SREBF2: variants seen among roughly 807,000 people sequenced by gnomAD.
SREBF2 encodes the protein sterol regulatory element-binding protein 2.
A neutral mutation model predicts 113.1 loss-of-function variants in SREBF2; 55 were observed. The ratio of observed to expected loss-of-function variants is 0.49; its 90% CI spans 0.39 to 0.61. SREBF2 has a LOEUF of 0.61. Among genes scored for constraint, SREBF2 ranks in the 20% least tolerant of loss-of-function variants. SREBF2 has a pLI of 0.00. For missense variants in SREBF2, 1,349 were observed against 1,487.4 expected, an observed-to-expected ratio of 0.91 and a Z score of 1.53; for synonymous variants, 593 against 605.7, an observed-to-expected ratio of 0.98 and a Z score of 0.31.
chr22:41,858,980 G>A (rs537786876), intron 1 of SREBF2, among the ~76,000 whole-genome samples: 1 of 151,982 alleles, frequency 6.6e-6, no homozygotes, highest in South Asian at 2.1e-4. Context: ...CGTCTCTACT[G>A]GGCGTGGTGG....
At chr22:41,894,759 A>G in intron 12 of SREBF2, 61 bp from the exon 13 acceptor site, 1 of 1,451,968 alleles carries the variant, frequency 6.9e-7, no homozygotes, top group South Asian at 1.1e-5. Flanking sequence ...TTCTCTCCGT[A>G]AAGACAAAGT....
chr22:41,871,184 T>C, intron 4 of SREBF2, 149 bp downstream of exon 4: 1 of 1,127,654 alleles, frequency 8.9e-7, no homozygotes, highest in Non-Finnish European at 1.3e-6. Flanking sequence ...CCCCTCTTAG[T>C]TGTTTTTCGC....
intron 1 of SREBF2, among the ~76,000 whole-genome samples, chr22:41,839,956 CTTTTTTTTT>C (rs10588397): frequency 8.5e-6 from 1 of 117,594 alleles, no homozygotes; most frequent in Admixed American, 8.8e-5. Flanking sequence ...TGCTTAGTTT[CTTTTTTTTT>C]TTTTTTTTTT....
intron 1 of SREBF2, among the ~76,000 whole-genome samples, chr22:41,864,238 A>ATATATG (rs2077050705): frequency 1.2e-5 from 1 of 83,034 alleles, no homozygotes; most frequent in Non-Finnish European, 2.3e-5. Flanking sequence ...ATATATATAT[A>ATATATG]TATATATATA....
intron 3 of SREBF2, among the ~76,000 whole-genome samples, chr22:41,869,698 T>G (rs2077121640): frequency 6.6e-6 from 1 of 151,434 alleles, no homozygotes; most frequent in South Asian, 2.1e-4. Flanking sequence ...TTGGCCAGGC[T>G]GGTTTTGAAC....
chr22:41,860,430 A>T (rs2077016986), intron 1 of SREBF2, among the ~76,000 whole-genome samples: 1 of 152,178 alleles, frequency 6.6e-6, no homozygotes, highest in Non-Finnish European at 1.5e-5. Flanking sequence ...CCACTATCAG[A>T]TTGACAGAAA....
chr22:41,876,320 AC>A lies in SREBF2; in HGVS notation c.1386+597del, dbSNP rs1303436286. 5.9e-5 allele frequency among the ~76,000 whole-genome samples: 9 copies of A among 152,210 alleles called. 1 individual carries two copies. The highest frequency in any genetic ancestry group is 5.9e-4 in the Admixed American group (9 of 15,276). On this transcript the variant is annotated intron_variant, in intron 7 of 18. Coordinates refer to ENST00000361204, the MANE Select transcript of SREBF2 (RefSeq NM_004599.4). The stretch of plus-strand genomic sequence containing the variant: ...TTCGGCAGTTTCTGACTCTGAAAGC[AC>A]AAAGTTCCCTCCTAGTGTTTGTTTT...
chr22:41,866,905 C>A lies in SREBF2; in HGVS notation c.163C>A (p.Pro55Thr). 1 of 1,614,018 alleles carries A rather than the reference C, an allele frequency of 6.2e-7. No homozygotes were observed. Among genetic ancestry groups the A allele is most frequent in the Non-Finnish European group, 8.5e-7 (1 of 1,179,996 alleles). The change falls in exon 2 of 19, where the codon CCT (proline) becomes ACT (threonine). Residue 55 changes from proline (P) to threonine (T), a missense_variant. Pro to Thr is a conservative substitution (Grantham distance 38). Transcript: ENST00000361204. ...LFSEQLCSSF[P>T]GSGGSGSSSG... Reference sequence around the variant, plus strand: ...TTCAGAACAGCTGTGTAGCTCCTTTCCTGGCAGTGGTGGTAGTGGTAGCAG... The same window carrying A: ...TTCAGAACAGCTGTGTAGCTCCTTTACTGGCAGTGGTGGTAGTGGTAGCAG...
chr22:41,837,949 A>C (rs1244873833), intron 1 of SREBF2, among the ~76,000 whole-genome samples: 2 of 152,172 alleles, frequency 1.3e-5, no homozygotes, highest in African/African-American at 4.8e-5. Flanking sequence ...GCACCCAATA[A>C]AGCATGTGTG....
intron 1 of SREBF2, among the ~76,000 whole-genome samples, chr22:41,863,871 T>TTATC (rs1392638454): frequency 5.4e-4 from 82 of 152,176 alleles, no homozygotes; most frequent in African/African-American, 1.9e-3. Flanking sequence ...ATTTATTTAT[T>TTATC]TATCTATCTA....
At chr22:41,850,196 T>G (rs1169618170) in intron 1 of SREBF2, among the ~76,000 whole-genome samples, 2 of 151,088 alleles carry the variant, frequency 1.3e-5, no homozygotes, top group Non-Finnish European at 2.9e-5. Flanking sequence ...ACGCCTGTAA[T>G]CCCAGCACTT....
intron 14 of SREBF2, 46 bp downstream of exon 14, chr22:41,897,207 G>A: frequency 7.4e-7 from 1 of 1,348,522 alleles, no homozygotes. Flanking sequence ...CTCAGTTCAG[G>A]TCTTCACAGT....
chr22:41,899,199 G>T, intron 15 of SREBF2: 1 of 1,112,554 alleles, frequency 9.0e-7, no homozygotes, highest in Non-Finnish European at 1.1e-6. Flanking sequence ...GGAGCATCTT[G>T]CCCCTGTGTG....
chr22:41,894,435 C>CT (rs1045033784), intron 12 of SREBF2, among the ~76,000 whole-genome samples: 3 of 152,170 alleles, frequency 2.0e-5, no homozygotes, highest in Non-Finnish European at 4.4e-5. Context: ...CAGCTACCAC[C>CT]TTTTTTTCCT....
rs147075621 is a variant in SREBF2 at position 41,867,053 on chromosome 22, C to T, written c.311C>T (p.Ala104Val). 4.8e-4 allele frequency: 768 copies of T among 1,614,038 alleles called. 1 individual carries two copies. Among genetic ancestry groups the T allele is most frequent in the Non-Finnish European group, 5.9e-4 (700 of 1,180,042 alleles). Residue 104 changes from alanine (A) to valine (V), a missense_variant, in exon 2 of 19, where the codon GCG (alanine) becomes GTG (valine). Physicochemically the swap from Ala to Val is moderately conservative, Grantham distance 64. Transcript: ENST00000361204. ...QVTLPSFSPS[A>V]ASPQAPTLQV... The stretch of plus-strand genomic sequence containing the variant: ...ACATTACCTTCCTTCTCTCCCTCGG[C>T]GGCCTCCCCACAGGCTCCAACTCTG...
intron 7 of SREBF2, among the ~76,000 whole-genome samples, chr22:41,876,029 A>G (rs1437999657): frequency 7.9e-5 from 12 of 152,308 alleles, no homozygotes; most frequent in Admixed American, 7.2e-4. Context: ...TGCTGGAGGC[A>G]CCTCATTGCT....
intron 11 of SREBF2, among the ~76,000 whole-genome samples, chr22:41,890,770 C>T (rs971532392): frequency 7.9e-5 from 12 of 151,110 alleles, no homozygotes; most frequent in Admixed American, 5.3e-4. Context: ...TAGCTGGGTG[C>T]GGTGGCGGGT....
intron 1 of SREBF2, among the ~76,000 whole-genome samples, chr22:41,860,026 C>T (rs1334716863): frequency 1.3e-5 from 2 of 151,532 alleles, no homozygotes; most frequent in African/African-American, 2.4e-5. Context: ...AGGATGGTCT[C>T]GATCTCCTGA....
intron 10 of SREBF2, among the ~76,000 whole-genome samples, 199 bp from the exon 11 acceptor site, chr22:41,884,643 A>G (rs1356469531): frequency 6.6e-6 from 1 of 152,108 alleles, no homozygotes; most frequent in Non-Finnish European, 1.5e-5. Context: ...GTTCCCAGCT[A>G]CCCTGTGAGG....
Sources: allele counts gnomAD v4.1 joint callset (sites outside exome capture counted in the v4.1 genomes callset), GRCh38; gene constraint gnomAD v4.1.1; transcripts MANE v1.5; gene names NCBI Gene and HGNC (gene_info 2026-07-23, HGNC 2026-07-21).